TLK2: variants seen among roughly 807,000 people sequenced by gnomAD.
TLK2 encodes the protein serine/threonine-protein kinase tousled-like 2.
TLK2 carries 6 observed loss-of-function variants against 117.3 expected under a neutral mutation model. The observed-to-expected ratio is 0.05, with a 90% CI of 0.03 to 0.10. The LOEUF is 0.10. Among genes scored for constraint, TLK2 ranks in the 10% least tolerant of loss-of-function variants. TLK2 has a pLI of 1.00. For synonymous variants in TLK2, 257 were observed against 316.7 expected (o/e 0.81, Z 2.00); for missense variants, 299 against 901.2 (o/e 0.33, Z 8.56).
chr17:62,472,751 A>C (rs892221529), intron 1 of TLK2, among the ~76,000 whole-genome samples: 3 of 151,836 alleles, frequency 2.0e-5, no homozygotes, highest in Non-Finnish European at 4.4e-5. Context: ...AAAAAAAAAA[A>C]AGCCAGGAGG....
intron 1 of TLK2, among the ~76,000 whole-genome samples, chr17:62,473,767 ATTGT>A (rs1437652895): frequency 7.5e-4 from 114 of 152,202 alleles, no homozygotes; most frequent in Non-Finnish European, 1.4e-3. Context: ...TCATTCAGAC[ATTGT>A]TTGTGGCTAC....
intron 7 of TLK2, among the ~76,000 whole-genome samples, chr17:62,536,606 ATCTTAGAT>A (rs1237635805): frequency 6.6e-6 from 1 of 152,112 alleles, no homozygotes; most frequent in African/African-American, 2.4e-5. Flanking sequence ...GGAAAGCATA[ATCTTAGAT>A]TGACAAAGAA....
chr17:62,506,568 C>G (rs938011763), intron 2 of TLK2, among the ~76,000 whole-genome samples: 1 of 152,066 alleles, frequency 6.6e-6, no homozygotes, highest in Non-Finnish European at 1.5e-5. Flanking sequence ...CAGAAGAAGC[C>G]ACAAAACTAA....
At chr17:62,565,267 A>G (rs987667509) in intron 11 of TLK2, 130 bp downstream of exon 11, 5 of 1,146,154 alleles carry the variant, frequency 4.4e-6, no homozygotes, top group Non-Finnish European at 6.0e-6. Context: ...TAGTCACCAC[A>G]TGTGGAAAGA....
At chr17:62,537,777 C>G (rs1485812082) in intron 7 of TLK2, among the ~76,000 whole-genome samples, 1 of 152,042 alleles carries the variant, frequency 6.6e-6, no homozygotes, top group Non-Finnish European at 1.5e-5. Flanking sequence ...GTGTTTTGAT[C>G]TTTAATCATC....
chr17:62,586,670 A>C (rs1383119494), intron 16 of TLK2, among the ~76,000 whole-genome samples: 5 of 151,730 alleles, frequency 3.3e-5, no homozygotes, highest in Non-Finnish European at 1.5e-5. Context: ...AAATACAAAA[A>C]ATTAGTTGGG....
intron 21 of TLK2, among the ~76,000 whole-genome samples, chr17:62,610,554 G>A (rs974176485): frequency 2.6e-5 from 4 of 152,200 alleles, no homozygotes; most frequent in African/African-American, 7.2e-5. Context: ...GCATGGTTAG[G>A]GAAGGCCTCA....
chr17:62,514,512 A>T (rs1034256260), intron 2 of TLK2, among the ~76,000 whole-genome samples: 1 of 152,044 alleles, frequency 6.6e-6, no homozygotes, highest in Non-Finnish European at 1.5e-5. Context: ...TTTAAAAACA[A>T]TACAGTTTCA....
chr17:62,571,468 G>T (rs1383354994), intron 11 of TLK2, among the ~76,000 whole-genome samples: 1 of 151,918 alleles, frequency 6.6e-6, no homozygotes, highest in African/African-American at 2.4e-5. Context: ...TTGAATCCAT[G>T]GATATGGAGA....
intron 11 of TLK2, among the ~76,000 whole-genome samples, chr17:62,570,002 G>A (rs1452835979): frequency 1.3e-5 from 2 of 152,070 alleles, no homozygotes; most frequent in Admixed American, 6.6e-5. Context: ...TTGGGCTTGC[G>A]GCAGCATAAC....
At chr17:62,516,908 C>G in intron 2 of TLK2, 1 of 628,196 alleles carries the variant, frequency 1.6e-6, no homozygotes, top group Non-Finnish European at 2.8e-6. Context: ...TATCCAGTTT[C>G]TCCAGCACCA....
intron 20 of TLK2, 29 bp downstream of exon 20, chr17:62,606,270 G>C: frequency 6.9e-7 from 1 of 1,450,412 alleles, no homozygotes; most frequent in Non-Finnish European, 9.6e-7. Flanking sequence ...GGAGAAGCTT[G>C]ATCTCTTTCT....
intron 2 of TLK2, among the ~76,000 whole-genome samples, chr17:62,489,630 A>AC (rs1231910654): frequency 6.6e-6 from 1 of 152,136 alleles, no homozygotes; most frequent in Non-Finnish European, 1.5e-5. Flanking sequence ...GGTGTGAGCT[A>AC]CCATGCCCAG....
chr17:62,572,930 CTTCT>C (rs1456116889), intron 11 of TLK2: 2 of 249,476 alleles, frequency 8.0e-6, no homozygotes, highest in Non-Finnish European at 1.5e-5. Flanking sequence ...AAAATTGTTC[CTTCT>C]GAGTCAGAAA....
chr17:62,584,344 C>T lies in TLK2; in HGVS notation c.1369-1791C>T, dbSNP rs534522801. Among the ~76,000 whole-genome samples, 77 of 150,818 alleles carry T rather than the reference C, an allele frequency of 5.1e-4. 1 individual carries two copies. Among genetic ancestry groups the T allele is most frequent in the Admixed American group, 1.6e-3 (25 of 15,176 alleles). ...CCATGTTAGGATGGTCTCGATCTCC[C>T]GACCTCATGATCCACCTCCCTCGGC... On this transcript the variant is annotated intron_variant, in intron 15 of 21. Coordinates refer to ENST00000346027, the MANE Select transcript of TLK2 (RefSeq NM_006852.6).
At chr17:62,600,112 G>T (rs570783634) in intron 17 of TLK2, among the ~76,000 whole-genome samples, 1 of 152,268 alleles carries the variant, frequency 6.6e-6, no homozygotes, top group South Asian at 2.1e-4. Context: ...TTTTTGGGAC[G>T]TGGGCAAACT....
intron 15 of TLK2, among the ~76,000 whole-genome samples, chr17:62,583,009 T>C (rs1467126371): frequency 6.6e-6 from 1 of 152,252 alleles, no homozygotes; most frequent in Admixed American, 6.5e-5. Flanking sequence ...CCACATTTTG[T>C]TTATCCTCCT....
chr17:62,554,138 C>G (rs1023937309), intron 9 of TLK2, among the ~76,000 whole-genome samples: 6 of 152,098 alleles, frequency 3.9e-5, no homozygotes, highest in Non-Finnish European at 8.8e-5. Flanking sequence ...GCTTTTTGTA[C>G]CTTTTATAAC....
chr17:62,540,400 A>ATTTTTTTTTTTTTTTTTTTTTTTTTTT (rs534202077), intron 7 of TLK2, among the ~76,000 whole-genome samples: 5 of 19,994 alleles, frequency 2.5e-4, no homozygotes, highest in Middle Eastern at 0.062. Context: ...TATGTTCAGA[A>ATTTTTTTTTTTTTTTTTTTTTTTTTTT]TTTTTTTTTT....
Sources: gnomAD v4.1 joint callset for allele counts (sites outside exome capture counted in the v4.1 genomes callset) on GRCh38, gnomAD v4.1.1 for gene constraint, MANE v1.5 for transcripts, NCBI Gene and HGNC (gene_info 2026-07-23, HGNC 2026-07-21) for gene names.